Variants in TAFA5 observed in about 807,000 individuals in gnomAD.
TAFA5 encodes chemokine-like protein TAFA-5.
A neutral mutation model predicts 15.3 loss-of-function variants in TAFA5; 6 were observed. That is an observed-to-expected ratio of 0.39 (90% CI 0.21 to 0.77). TAFA5 has a LOEUF of 0.77. TAFA5 is among the 30% of genes least tolerant of loss of function. The probability of loss-of-function intolerance (pLI) is 0.41; values close to 1 mark genes in which losing one functional copy is unlikely to be tolerated. For synonymous variants in TAFA5, 103 were observed against 80.7 expected, an observed-to-expected ratio of 1.28 and a Z score of -1.48; for missense variants, 161 against 193.1, an observed-to-expected ratio of 0.83 and a Z score of 0.98.
At chr22:48,672,303 C>A (rs909554134) in intron 2 of TAFA5, among the ~76,000 whole-genome samples, 1 of 152,230 alleles carries the variant, frequency 6.6e-6, no homozygotes, top group African/African-American at 2.4e-5. Flanking sequence ...ATTATCTTCA[C>A]AACTAGCATC....
At chr22:48,621,143 C>T (rs1418648286) in intron 1 of TAFA5, among the ~76,000 whole-genome samples, 1 of 45,280 alleles carries the variant, frequency 2.2e-5, no homozygotes, top group Non-Finnish European at 4.3e-5. Context: ...TCCACCCACC[C>T]ACCCATCCTA....
intron 1 of TAFA5, among the ~76,000 whole-genome samples, chr22:48,608,913 C>T (rs1925297416): frequency 6.6e-6 from 1 of 152,238 alleles, no homozygotes; most frequent in South Asian, 2.1e-4. Flanking sequence ...CGGAATAGGG[C>T]CATGCTTTGC....
intron 1 of TAFA5, among the ~76,000 whole-genome samples, chr22:48,570,013 G>A (rs949521244): frequency 2.0e-4 from 31 of 152,324 alleles, no homozygotes; most frequent in African/African-American, 6.3e-4. Context: ...CTTCCTGGCC[G>A]ACATGCTCAC....
At chr22:48,646,154 A>G (rs1328847729) in intron 1 of TAFA5, among the ~76,000 whole-genome samples, 1 of 152,114 alleles carries the variant, frequency 6.6e-6, no homozygotes, top group Non-Finnish European at 1.5e-5. Context: ...TTCCGGCTCC[A>G]AAGTGCCACA....
At position 48,681,875 on chromosome 22, in the gene TAFA5, G is replaced by A. The variant is rs1928202726; in HGVS notation, c.263-25842G>A. Among the ~76,000 whole-genome samples the A allele has an allele frequency of 3.5e-5, 2 of 56,802 alleles. 1 individual carries two copies. The highest frequency in any genetic ancestry group is 1.2e-4 in the Non-Finnish European group (2 of 16,870). 37.3% of individuals were successfully genotyped at this position (56,802 alleles called of 152,430 possible). A position where few individuals can be genotyped will look rare whatever the true frequency, so the allele number is the denominator to read the frequency against. ...CACCAGCACCCCGTCGTTGGGGGCT[G>A]GACATTGAGGGGAAATGGCCTTAGG... On this transcript the variant is annotated intron_variant, in intron 2 of 3. Coordinates refer to ENST00000402357, the MANE Select transcript of TAFA5 (RefSeq NM_001082967.3).
At chr22:48,691,059 AAAGCAGG>A (rs1928525819) in intron 2 of TAFA5, among the ~76,000 whole-genome samples, 1 of 152,206 alleles carries the variant, frequency 6.6e-6, no homozygotes, top group Admixed American at 6.5e-5. Flanking sequence ...GACCCGCCGT[AAAGCAGG>A]AAGCACGAAG....
intron 3 of TAFA5, among the ~76,000 whole-genome samples, chr22:48,722,193 C>T (rs1601698189): frequency 1.3e-5 from 2 of 152,282 alleles, no homozygotes; most frequent in African/African-American, 4.8e-5. Flanking sequence ...ACCTCCTCTC[C>T]AGCATCTGTT....
At chr22:48,608,305 A>G (rs1394663581) in intron 1 of TAFA5, among the ~76,000 whole-genome samples, 1 of 152,244 alleles carries the variant, frequency 6.6e-6, no homozygotes, top group East Asian at 1.9e-4. Flanking sequence ...CACCGTAGCC[A>G]TCAGCCATAT....
intron 1 of TAFA5, among the ~76,000 whole-genome samples, chr22:48,512,085 C>T (rs373598570): frequency 5.3e-5 from 8 of 152,176 alleles, no homozygotes; most frequent in African/African-American, 1.2e-4. Context: ...CCTCGCCACC[C>T]GATTCCGTGT....
intron 2 of TAFA5, among the ~76,000 whole-genome samples, chr22:48,675,297 A>G (rs370033009): frequency 3.3e-5 from 5 of 152,260 alleles, no homozygotes; most frequent in African/African-American, 1.2e-4. Flanking sequence ...GCCAAGTGGC[A>G]GAGATGCAGG....
chr22:48,539,528 G>A (rs1922286297), intron 1 of TAFA5: 2 of 466,426 alleles, frequency 4.3e-6, no homozygotes, highest in South Asian at 3.1e-5. Flanking sequence ...GTTTGTCACT[G>A]CAACTTTTCT....
intron 1 of TAFA5, among the ~76,000 whole-genome samples, chr22:48,580,633 G>A (rs1204154295): frequency 1.3e-5 from 2 of 152,174 alleles, no homozygotes; most frequent in African/African-American, 2.4e-5. Flanking sequence ...AGTGTCTAAC[G>A]GTGGAGGAGG....
At chr22:48,570,229 C>T (rs1923537700) in intron 1 of TAFA5, among the ~76,000 whole-genome samples, 2 of 152,254 alleles carry the variant, frequency 1.3e-5, no homozygotes, top group South Asian at 2.1e-4. Flanking sequence ...CCGCTGAAAA[C>T]ATGGCTGAGG....
rs532637718 is a variant in TAFA5 at position 48,621,961 on chromosome 22, T to C, written c.113-24636T>C. 1.6e-4 allele frequency among the ~76,000 whole-genome samples: 24 copies of C among 151,856 alleles called. No individual in the cohort carries two copies. The East Asian group carries it at 4.5e-3, about 28-fold the overall frequency. ...TGTTTCTGTTTTCCTAGATGAGGAG[T>C]TTGGGCTCTCGCTGGCTAGTGAGGC... On this transcript the variant is annotated intron_variant, in intron 1 of 3. Coordinates refer to ENST00000402357, the MANE Select transcript of TAFA5 (RefSeq NM_001082967.3).
chr22:48,623,438 G>GTCGCGTGGCC (rs1287456898), intron 1 of TAFA5, among the ~76,000 whole-genome samples: 90 of 145,542 alleles, frequency 6.2e-4, no homozygotes, highest in African/African-American at 2.0e-3. Flanking sequence ...GACGGGATGT[G>GTCGCGTGGCC]CTGCGTGGCC....
rs185153690 is a variant in TAFA5 at position 48,535,539 on chromosome 22, G to A, written c.112+45835G>A. On this transcript the variant is annotated intron_variant, in intron 1 of 3. Transcript: ENST00000402357. The stretch of plus-strand genomic sequence containing the variant: ...CACACAGGCACATGTATGAGCACTC[G>A]TGCCTTTGTGTGCGCACAAGCTGTG... 6.6e-5 allele frequency among the ~76,000 whole-genome samples: 10 copies of A among 151,918 alleles called. No homozygotes were observed. In the East Asian group the frequency reaches 7.8e-4, roughly 12 times the overall value.
chr22:48,489,792 C>T lies in TAFA5; in HGVS notation c.112+88C>T. On this transcript the variant is annotated intron_variant, in intron 1 of 3. Transcript: ENST00000402357. This position sits in a 1 kb window ranked among gnomAD's most constrained non-coding sequence, Gnocchi z 5.5. ...CCCGGCAGGCGCCCCGCGGGCCTCCCGGAGTCGGCGCGGAGTTACGAGCGC... is the reference window on the plus strand; with the variant it reads ...CCCGGCAGGCGCCCCGCGGGCCTCCTGGAGTCGGCGCGGAGTTACGAGCGC... 7.8e-6 allele frequency: 6 copies of T among 768,580 alleles called. No homozygotes were observed. The highest frequency in any genetic ancestry group is 1.1e-5 in the Non-Finnish European group (6 of 548,134). The allele number at this position is 768,580 out of a possible 1,614,324, so 47.6% of individuals were successfully genotyped here.
chr22:48,516,466 C>G (rs377011376), intron 1 of TAFA5, among the ~76,000 whole-genome samples: 56 of 152,230 alleles, frequency 3.7e-4, no homozygotes, highest in African/African-American at 1.3e-3. Context: ...CTGTGACATT[C>G]GCTGCTGAAC....
intron 3 of TAFA5, among the ~76,000 whole-genome samples, chr22:48,715,216 T>C (rs59596169): frequency 0.19 from 29,211 of 152,174 alleles, 4,073 homozygotes; most frequent in East Asian, 0.44. Flanking sequence ...ACAGGGCCCT[T>C]CTGTGAAGCC....
Sources: allele counts gnomAD v4.1 joint callset (sites outside exome capture counted in the v4.1 genomes callset), GRCh38; gene constraint gnomAD v4.1.1; non-coding constraint Gnocchi (gnomAD v3.1); transcripts MANE v1.5; gene names NCBI Gene and HGNC (gene_info 2026-07-23, HGNC 2026-07-21).